BMPER: variants seen among roughly 807,000 people sequenced by gnomAD.
BMPER encodes the protein BMP-binding endothelial regulator protein.
In BMPER, 45 loss-of-function variants were observed where a neutral mutation model predicts 87.3. That is an observed-to-expected ratio of 0.52 (90% CI 0.41 to 0.66). The LOEUF (loss-of-function observed/expected upper bound fraction) is 0.66. Ranked by LOEUF, BMPER falls within the 30% of genes least tolerant of loss-of-function variation. The pLI is 0.00. For synonymous variants in BMPER, 326 were observed against 316.2 expected (o/e 1.03, Z -0.33); for missense variants, 784 against 867.5 (o/e 0.90, Z 1.21).
chr7:33,905,468 C>T, upstream of BMPER: 1 of 820,376 alleles, frequency 1.2e-6, no homozygotes, highest in Non-Finnish European at 1.9e-6. Context: ...CCCCCCCGCC[C>T]CCCAGCTCTC....
chr7:34,045,696 G>A (rs1787944665), intron 6 of BMPER, among the ~76,000 whole-genome samples: 1 of 152,168 alleles, frequency 6.6e-6, no homozygotes, highest in South Asian at 2.1e-4. Flanking sequence ...TGGGCTTTCA[G>A]TGTATCCATT....
At chr7:34,004,920 C>A (rs986481129) in intron 6 of BMPER, among the ~76,000 whole-genome samples, 17 of 152,230 alleles carry the variant, frequency 1.1e-4, no homozygotes, top group Middle Eastern at 6.8e-3. Flanking sequence ...AGTTATGTGA[C>A]CTTCTGGATC....
At chr7:33,990,180 G>A (rs959392936) in intron 6 of BMPER, among the ~76,000 whole-genome samples, 80 of 150,164 alleles carry the variant, frequency 5.3e-4, no homozygotes, top group African/African-American at 1.9e-3. Context: ...GATGGGGATG[G>A]CATTGAATCT....
intron 3 of BMPER, among the ~76,000 whole-genome samples, chr7:33,955,961 A>G (rs1453350000): frequency 1.3e-5 from 2 of 152,196 alleles, no homozygotes; most frequent in South Asian, 4.1e-4. Context: ...ATGTGATGGA[A>G]GAAGGCTAGC....
chr7:34,048,298 A>G lies in BMPER; in HGVS notation c.676+1893A>G, dbSNP rs140887484. ...ATGGCTTCTTCTGCTAACTTCATCT[A>G]ACAATGCTTGCCTTCCTGCTACACA... On this transcript the variant is annotated intron_variant, in intron 7 of 14. Coordinates refer to ENST00000649409, the MANE Select transcript of BMPER (RefSeq NM_001365308.1). Among the ~76,000 whole-genome samples, 1,355 of 152,210 alleles carry G rather than the reference A, an allele frequency of 8.9e-3. 19 individuals are homozygous for G. The highest frequency in any genetic ancestry group is 0.031 in the African/African-American group (1,282 of 41,524).
intron 13 of BMPER, among the ~76,000 whole-genome samples, chr7:34,137,375 C>T (rs1790746066): frequency 6.6e-6 from 1 of 152,220 alleles, no homozygotes; most frequent in Admixed American, 6.5e-5. Context: ...TCATGTCCTT[C>T]AGATATCAGT....
At chr7:34,034,653 T>G (rs1405323762) in intron 6 of BMPER, among the ~76,000 whole-genome samples, 2 of 152,234 alleles carry the variant, frequency 1.3e-5, no homozygotes, top group Non-Finnish European at 2.9e-5. Flanking sequence ...ATAGGACACC[T>G]AAATCAGTAG....
intron 13 of BMPER, among the ~76,000 whole-genome samples, chr7:34,112,301 C>T (rs1195625460): frequency 6.6e-6 from 1 of 151,386 alleles, no homozygotes; most frequent in Non-Finnish European, 1.5e-5. Flanking sequence ...GAGACCATCC[C>T]GGCTAACATG....
At chr7:33,909,931 C>T (rs1004333726) in intron 2 of BMPER, among the ~76,000 whole-genome samples, 2 of 152,154 alleles carry the variant, frequency 1.3e-5, no homozygotes, top group Non-Finnish European at 2.9e-5. Context: ...CCACTGTAAG[C>T]AGAGCTGAAT....
At chr7:34,000,728 T>G (rs540477418) in intron 6 of BMPER, among the ~76,000 whole-genome samples, 89 of 152,108 alleles carry the variant, frequency 5.9e-4, no homozygotes, top group Non-Finnish European at 1.1e-3. Context: ...TAAAAGTTAG[T>G]GAAAAAATAG....
chr7:33,931,579 T>C (rs1219358758), intron 2 of BMPER, among the ~76,000 whole-genome samples: 1 of 152,202 alleles, frequency 6.6e-6, no homozygotes, highest in Non-Finnish European at 1.5e-5. Context: ...AAAAGTTCTC[T>C]TGGGCTCTTT....
At chr7:33,966,443 T>C (rs1041703251) in intron 3 of BMPER, 36 bp from the exon 4 acceptor site, 3 of 1,570,020 alleles carry the variant, frequency 1.9e-6, no homozygotes, top group Non-Finnish European at 2.6e-6. Context: ...ATACCCATTC[T>C]TGGCCTTTCT....
At chr7:34,061,884 T>A in intron 10 of BMPER, 118 bp from the exon 11 acceptor site, 1 of 871,240 alleles carries the variant, frequency 1.1e-6, no homozygotes, top group African/African-American at 1.7e-5. Context: ...CAAATACAGC[T>A]TGGACTGATT....
chr7:34,067,762 G>A (rs1788631447), intron 11 of BMPER, among the ~76,000 whole-genome samples: 1 of 152,192 alleles, frequency 6.6e-6, no homozygotes, highest in Admixed American at 6.5e-5. Context: ...CACACATGGT[G>A]GCTGGGAGAT....
intron 6 of BMPER, among the ~76,000 whole-genome samples, chr7:34,024,385 ATATATATATAT>A (rs1562695223): frequency 6.1e-3 from 23 of 3,756 alleles, no homozygotes; most frequent in African/African-American, 9.0e-3. Flanking sequence ...AAAAAAAACA[ATATATATATAT>A]ATATATATAT....
At chr7:33,977,687 G>A (rs1585698073) in intron 6 of BMPER, among the ~76,000 whole-genome samples, 1 of 151,982 alleles carries the variant, frequency 6.6e-6, no homozygotes, top group Non-Finnish European at 1.5e-5. Context: ...ATGCATTTGA[G>A]CATGTATATA....
chr7:34,085,021 T>C (rs1372916759), intron 12 of BMPER, among the ~76,000 whole-genome samples: 6 of 152,194 alleles, frequency 3.9e-5, no homozygotes, highest in Non-Finnish European at 8.8e-5. Context: ...CATGGCCTGG[T>C]AGCCTCCACC....
At chr7:34,013,250 A>G (rs985826875) in intron 6 of BMPER, among the ~76,000 whole-genome samples, 2 of 151,702 alleles carry the variant, frequency 1.3e-5, no homozygotes, top group African/African-American at 4.8e-5. Flanking sequence ...CTTTAAAGCC[A>G]GAGGCTTGGG....
chr7:33,998,600 C>G (rs1236954002), intron 6 of BMPER, among the ~76,000 whole-genome samples: 1 of 152,186 alleles, frequency 6.6e-6, no homozygotes, highest in Admixed American at 6.5e-5. Flanking sequence ...ACAAACACTT[C>G]AAACAAACCT....
Sources: gnomAD v4.1 joint callset for allele counts (sites outside exome capture counted in the v4.1 genomes callset) on GRCh38, gnomAD v4.1.1 for gene constraint, MANE v1.5 for transcripts, NCBI Gene and HGNC (gene_info 2026-07-23, HGNC 2026-07-21) for gene names.